The following MCUB variants were observed in gnomAD, a reference collection of about 807,000 sequenced individuals.
MCUB encodes the protein mitochondrial calcium uniporter dominant negative subunit beta.
A neutral mutation model predicts 41.4 loss-of-function variants in MCUB; 46 were observed. That is an observed-to-expected ratio of 1.11 (90% CI 0.88 to 1.42). The LOEUF (loss-of-function observed/expected upper bound fraction) is 1.42, where lower values mean the gene tolerates loss of function less well. Among genes scored for constraint, MCUB ranks in the 40% most tolerant of loss-of-function variants. The probability of loss-of-function intolerance (pLI) is 0.00; values close to 1 mark genes in which losing one functional copy is unlikely to be tolerated. For synonymous variants in MCUB, 148 were observed against 148.2 expected (o/e 1.00, Z 0.01); for missense variants, 403 against 404.9 (o/e 1.00, Z 0.04).
chr4:109,663,372 C>T (rs1332971578), intron 3 of MCUB, among the ~76,000 whole-genome samples: 4 of 152,212 alleles, frequency 2.6e-5, no homozygotes, highest in Non-Finnish European at 5.9e-5. Context: ...AAAACCTAGG[C>T]TCTATGAGAG....
chr4:109,575,333 TTGATA>T (rs1351638462), intron 1 of MCUB, among the ~76,000 whole-genome samples: 1 of 152,240 alleles, frequency 6.6e-6, no homozygotes. Context: ...TAGCTTTTTA[TTGATA>T]TGATATTATT....
intron 1 of MCUB, among the ~76,000 whole-genome samples, chr4:109,562,599 T>G (rs1200149398): frequency 6.6e-6 from 1 of 152,214 alleles, no homozygotes; most frequent in African/African-American, 2.4e-5. Flanking sequence ...GTATTATTTC[T>G]ATTTATTTTT....
chr4:109,578,905 C>T (rs943619044), intron 1 of MCUB, among the ~76,000 whole-genome samples: 2 of 152,164 alleles, frequency 1.3e-5, no homozygotes, highest in East Asian at 3.8e-4. Flanking sequence ...CAAAAATGAA[C>T]AAGTCACAAG....
intron 1 of MCUB, among the ~76,000 whole-genome samples, chr4:109,567,808 C>T (rs1726817195): frequency 1.3e-5 from 2 of 152,096 alleles, no homozygotes; most frequent in South Asian, 2.1e-4. Flanking sequence ...AAGCAATTCT[C>T]CTGTCTCAGC....
At chr4:109,581,568 A>G (rs1001884377) in intron 1 of MCUB, among the ~76,000 whole-genome samples, 1 of 152,178 alleles carries the variant, frequency 6.6e-6, no homozygotes, top group Non-Finnish European at 1.5e-5. Context: ...TGCACAGCAA[A>G]AGAAACCACC....
intron 4 of MCUB, chr4:109,681,469 C>T (rs1212425583): frequency 2.2e-6 from 1 of 453,746 alleles, no homozygotes; most frequent in Non-Finnish European, 4.4e-6. Context: ...CCCAGAACTC[C>T]CAAGATGGTC....
At chr4:109,649,852 G>A (rs186806840) in intron 1 of MCUB, among the ~76,000 whole-genome samples, 18 of 152,152 alleles carry the variant, frequency 1.2e-4, no homozygotes, top group African/African-American at 2.9e-4. Context: ...CGGATTACAC[G>A]CATGAGCCAC....
chr4:109,629,556 A>T (rs1055957155), intron 1 of MCUB, among the ~76,000 whole-genome samples: 1 of 152,160 alleles, frequency 6.6e-6, no homozygotes, highest in East Asian at 1.9e-4. Context: ...TAGTTGTTTT[A>T]CCTATGCTGC....
rs1332209100 is a variant in MCUB, at chr4:109,688,702, A to ACTT, written c.*1111_*1113dup. ...AACCTTTAAAAACATCAAACAATAAACTTTTATAAAAAAGTGACAAAATAC... is the reference window on the plus strand; with the variant it reads ...AACCTTTAAAAACATCAAACAATAAACTTCTTTTATAAAAAAGTGACAAAATAC... On this transcript the variant is annotated 3_prime_UTR_variant, in exon 8 of 8. Coordinates refer to ENST00000394650, the MANE Select transcript of MCUB (RefSeq NM_017918.5). 1 of 152,184 alleles carries ACTT rather than the reference A, an allele frequency of 6.6e-6. No individual in the cohort carries two copies. The highest frequency in any genetic ancestry group is 1.9e-4 in the East Asian group (1 of 5,198). 9.4% of individuals were successfully genotyped at this position (152,184 alleles called of 1,614,324 possible). A position where few individuals can be genotyped will look rare whatever the true frequency, so the allele number is the denominator to read the frequency against.
At chr4:109,672,017 G>T (rs1729468978) in intron 4 of MCUB, among the ~76,000 whole-genome samples, 2 of 151,926 alleles carry the variant, frequency 1.3e-5, no homozygotes, top group African/African-American at 2.4e-5. Context: ...TAAAACTGGA[G>T]CCCTGTTAAT....
chr4:109,687,661 T>A lies in MCUB; in HGVS notation c.*69T>A, dbSNP rs1729881899. ...TTTTGCAACTTAGGATGTTTTTGAGTCCCATGGTTCATTTTGATTGTTTAA... is the reference window on the plus strand; with the variant it reads ...TTTTGCAACTTAGGATGTTTTTGAGACCCATGGTTCATTTTGATTGTTTAA... On this transcript the variant is annotated 3_prime_UTR_variant, in exon 8 of 8. Coordinates refer to ENST00000394650, the MANE Select transcript of MCUB (RefSeq NM_017918.5). 1 of 892,690 alleles carries A rather than the reference T, an allele frequency of 1.1e-6. No individual in the cohort carries two copies. Among genetic ancestry groups the A allele is most frequent in the Non-Finnish European group, 1.8e-6 (1 of 543,562 alleles). The allele number at this position is 892,690 out of a possible 1,614,324, so 55.3% of individuals were successfully genotyped here.
At position 109,674,977 on chromosome 4, in the gene MCUB, T is replaced by C. The variant is rs140500765; in HGVS notation, c.452-7605T>C. ...TTGGCCAGACAGTATACCCAAACTTTTATATAATATACAGAAGGCTATCAC... is the reference window on the plus strand; with the variant it reads ...TTGGCCAGACAGTATACCCAAACTTCTATATAATATACAGAAGGCTATCAC... On this transcript the variant is annotated intron_variant, in intron 4 of 7. Transcript: ENST00000394650. 3.7e-3 allele frequency among the ~76,000 whole-genome samples: 571 copies of C among 152,368 alleles called. 6 individuals are homozygous for C. Among genetic ancestry groups the C allele is most frequent in the African/African-American group, 0.013 (556 of 41,586 alleles).
chr4:109,612,855 C>T (rs769500582), intron 1 of MCUB, among the ~76,000 whole-genome samples: 1 of 152,034 alleles, frequency 6.6e-6, no homozygotes, highest in Admixed American at 6.6e-5. Flanking sequence ...GCCTGTAATC[C>T]CAGCACTTTG....
intron 1 of MCUB, among the ~76,000 whole-genome samples, chr4:109,656,565 A>G (rs1729108704): frequency 6.6e-6 from 1 of 151,484 alleles, no homozygotes; most frequent in Non-Finnish European, 1.5e-5. Context: ...TTGTAGAGAC[A>G]GGGTTTCACC....
chr4:109,673,653 T>A (rs1729508681), intron 4 of MCUB, among the ~76,000 whole-genome samples: 1 of 152,244 alleles, frequency 6.6e-6, no homozygotes, highest in African/African-American at 2.4e-5. Flanking sequence ...AAAAAGTTAT[T>A]TAAACTCCAT....
chr4:109,633,192 T>G (rs1191392824), intron 1 of MCUB, among the ~76,000 whole-genome samples: 2 of 152,212 alleles, frequency 1.3e-5, no homozygotes, highest in Non-Finnish European at 2.9e-5. Context: ...AAAATAAAAT[T>G]TAAACCATTC....
At chr4:109,563,556 C>T (rs1459406965) in intron 1 of MCUB, among the ~76,000 whole-genome samples, 4 of 152,124 alleles carry the variant, frequency 2.6e-5, no homozygotes, top group Non-Finnish European at 5.9e-5. Flanking sequence ...ATTGTATTTA[C>T]GCTATGGAAA....
chr4:109,616,100 C>A (rs1359009366), intron 1 of MCUB, among the ~76,000 whole-genome samples: 4 of 152,228 alleles, frequency 2.6e-5, no homozygotes, highest in South Asian at 2.1e-4. Context: ...AGTGATAGAT[C>A]CATAGTGCCT....
rs553904780 is a variant in MCUB at position 109,672,827 on chromosome 4, T to C, written c.451+8433T>C. Among the ~76,000 whole-genome samples, 121 of 152,342 alleles carry C rather than the reference T, an allele frequency of 7.9e-4. 1 individual carries two copies. Among genetic ancestry groups the C allele is most frequent in the African/African-American group, 2.7e-3 (113 of 41,572 alleles). On this transcript the variant is annotated intron_variant, in intron 4 of 7. Coordinates refer to ENST00000394650, the MANE Select transcript of MCUB (RefSeq NM_017918.5). ...TGACTCCTGTGTCTTTGTGACTTGC[T>C]CCCTCTCCCCCTTTTTTTGTAAGTA...
Sources: gnomAD v4.1 joint callset for allele counts (sites outside exome capture counted in the v4.1 genomes callset) on GRCh38, gnomAD v4.1.1 for gene constraint, MANE v1.5 for transcripts, NCBI Gene and HGNC (gene_info 2026-07-23, HGNC 2026-07-21) for gene names.